Variants in QSOX2 observed in about 807,000 individuals in gnomAD.
QSOX2 encodes quiescin sulfhydryl oxidase 2, also known as sulfhydryl oxidase 2.
QSOX2 carries 46 observed loss-of-function variants against 61.7 expected under a neutral mutation model. The observed-to-expected ratio is 0.75, with a 90% CI of 0.59 to 0.95. The LOEUF (loss-of-function observed/expected upper bound fraction) is 0.95, where lower values mean the gene tolerates loss of function less well. Among genes scored for constraint, QSOX2 ranks in the 40% least tolerant of loss-of-function variants. QSOX2 has a pLI of 0.00. For synonymous variants in QSOX2, 383 were observed against 388.4 expected (o/e 0.99, Z 0.16); for missense variants, 879 against 918.9 (o/e 0.96, Z 0.56).
chr9:136,223,890 A>G lies in QSOX2; in HGVS notation c.585-37T>C. 6.2e-7 allele frequency: 1 copy of G among 1,602,420 alleles called. No homozygotes were observed. The highest frequency in any genetic ancestry group is 8.5e-7 in the Non-Finnish European group (1 of 1,169,864). ...AAAAAAAGAGGCTTTTAGTGCCGTCAACAGCAGCGAGTTGGCCACCACATC... is the reference window on the plus strand; with the variant it reads ...AAAAAAAGAGGCTTTTAGTGCCGTCGACAGCAGCGAGTTGGCCACCACATC... On this transcript the variant is annotated intron_variant, in intron 4 of 11. Coordinates refer to ENST00000358701, the MANE Select transcript of QSOX2 (RefSeq NM_181701.4). This position sits in a 1 kb window ranked among gnomAD's most constrained non-coding sequence, Gnocchi z 4.4.
chr9:136,210,383 C>T (rs765358865), intron 11 of QSOX2: 5 of 985,320 alleles, frequency 5.1e-6, no homozygotes, highest in African/African-American at 1.7e-5. Flanking sequence ...GGGGCACATG[C>T]GGGCTGGGGC....
chr9:136,212,272 C>T (rs1831855849), intron 10 of QSOX2, among the ~76,000 whole-genome samples: 1 of 152,232 alleles, frequency 6.6e-6, no homozygotes, highest in African/African-American at 2.4e-5. Flanking sequence ...ACTCAGACGA[C>T]TGACACAGGA....
chr9:136,210,471 C>T (rs61482805), intron 11 of QSOX2: 13 of 985,134 alleles, frequency 1.3e-5, no homozygotes, highest in South Asian at 9.4e-5. Context: ...GCCGAGGGCT[C>T]GGGGAAAGCA....
Position 136,210,326 on chromosome 9 carries a change from T to C in QSOX2, c.1549+938A>G, listed in dbSNP as rs974072851. 6.1e-6 allele frequency: 6 copies of C among 985,366 alleles called. No homozygotes were observed. The Admixed American group carries it at 2.5e-4, about 40-fold the overall frequency. 61.0% of individuals were successfully genotyped at this position (985,366 alleles called of 1,614,324 possible). On this transcript the variant is annotated intron_variant, in intron 11 of 11. Transcript: ENST00000358701. ...GGAATCTCAGGAGTGACAATCACAC[T>C]GGGCTGTAAGGCCCCTTTCTGTTGC... is the stretch of plus-strand genomic sequence containing the variant.
chr9:136,212,093 TA>T (rs1831853503), intron 10 of QSOX2, among the ~76,000 whole-genome samples: 1 of 152,120 alleles, frequency 6.6e-6, no homozygotes, highest in South Asian at 2.1e-4. Context: ...CCGAACGTAT[TA>T]ACAGACATGG....
chr9:136,218,931 T>G, intron 7 of QSOX2, 99 bp downstream of exon 7: 1 of 1,571,094 alleles, frequency 6.4e-7, no homozygotes, highest in Admixed American at 1.8e-5. Context: ...CGGCCCTCAC[T>G]GGCTGGGGTG....
At chr9:136,232,917 C>CAAAAAAAAAAAAAAAAAAAAAA (rs60814748) in intron 1 of QSOX2, among the ~76,000 whole-genome samples, 1 of 45,516 alleles carries the variant, frequency 2.2e-5, no homozygotes, top group Non-Finnish European at 4.6e-5. Flanking sequence ...GAACCTGTCT[C>CAAAAAAAAAAAAAAAAAAAAAA]AAAAAAAAAA....
At chr9:136,210,136 A>G (rs1480495993) in intron 11 of QSOX2, 23 of 985,374 alleles carry the variant, frequency 2.3e-5, no homozygotes, top group Non-Finnish European at 2.8e-5. Flanking sequence ...ACGAAGCCAG[A>G]GGGGACAAGC....
intron 10 of QSOX2, among the ~76,000 whole-genome samples, chr9:136,212,835 A>G (rs1291198859): frequency 6.6e-6 from 1 of 152,242 alleles, no homozygotes; most frequent in Non-Finnish European, 1.5e-5. Flanking sequence ...CATACAGTAA[A>G]GAGAAGAAAA....
intron 3 of QSOX2, 42 bp from the exon 4 acceptor site, chr9:136,224,154 T>C (rs765090993): frequency 2.0e-6 from 3 of 1,512,164 alleles, no homozygotes; most frequent in Non-Finnish European, 2.7e-6. Context: ...TGTGCGGCTG[T>C]CCTCGTGGGG....
rs202117531 is a variant in QSOX2 at position 136,208,935 on chromosome 9, G to C, written c.1890C>G (p.Asp630Glu). Residue 630 changes from aspartate to glutamate, a missense_variant, in exon 12 of 12, where the codon GAC (aspartate) becomes GAG (glutamate). Coordinates refer to ENST00000358701, the MANE Select transcript of QSOX2 (RefSeq NM_181701.4). ...GCCCATCCAGACTCTGGAGTTTCCC[G>C]TCCAAGCTGTGATGCAAGCTCTCTG... ...ALPESLHHSL[D>E]GKLQSLDGPG... is the part of the protein sequence containing the mutation. 6.2e-7 allele frequency: 1 copy of C among 1,613,618 alleles called. No individual in the cohort carries two copies. The highest frequency in any genetic ancestry group is 1.7e-5 in the Admixed American group (1 of 59,990).
intron 1 of QSOX2, among the ~76,000 whole-genome samples, chr9:136,240,965 C>G (rs1173147399): frequency 6.6e-6 from 1 of 152,202 alleles, no homozygotes; most frequent in Non-Finnish European, 1.5e-5. Flanking sequence ...CCCCATGGCA[C>G]GACGACCGGC....
chr9:136,218,341 G>A (rs1031542563), intron 8 of QSOX2, among the ~76,000 whole-genome samples: 1 of 152,154 alleles, frequency 6.6e-6, no homozygotes, highest in South Asian at 2.1e-4. Context: ...CCCGTGCAGC[G>A]CTCCTCTGAG....
chr9:136,212,547 C>G (rs1052383238), intron 10 of QSOX2, among the ~76,000 whole-genome samples: 1 of 151,860 alleles, frequency 6.6e-6, no homozygotes, highest in African/African-American at 2.4e-5. Flanking sequence ...GCAGAGCAGA[C>G]CACCTCCTCC....
At chr9:136,236,683 C>T (rs1358275220) in intron 1 of QSOX2, among the ~76,000 whole-genome samples, 1 of 151,516 alleles carries the variant, frequency 6.6e-6, no homozygotes, top group Non-Finnish European at 1.5e-5. Flanking sequence ...CCTGTGCCAG[C>T]GACACCTGAA....
intron 9 of QSOX2, 78 bp downstream of exon 9, chr9:136,216,522 G>C (rs917422214): frequency 6.3e-7 from 1 of 1,574,806 alleles, no homozygotes; most frequent in Admixed American, 1.7e-5. Flanking sequence ...CGAGCAGGGA[G>C]ATGCACCAGC....
At chr9:136,245,008 G>C (rs1029335319) in intron 1 of QSOX2, among the ~76,000 whole-genome samples, 8 of 152,204 alleles carry the variant, frequency 5.3e-5, no homozygotes, top group Admixed American at 3.9e-4. Context: ...TACGAGTGTG[G>C]AATAGGAATG....
rs373867842 is a variant in QSOX2, at chr9:136,241,443, C to T, written c.328+4033G>A. On this transcript the variant is annotated intron_variant, in intron 1 of 11. Coordinates refer to ENST00000358701, the MANE Select transcript of QSOX2 (RefSeq NM_181701.4). ...ATCTCCAAGAAGCCTGCAGCCTAGT[C>T]GAGTAGACAAGAAACCAGACCAAGT... Among the ~76,000 whole-genome samples the T allele has an allele frequency of 3.3e-5, 5 of 152,320 alleles. No individual in the cohort carries two copies. In the East Asian group the frequency reaches 5.8e-4, roughly 18 times the overall value.
intron 6 of QSOX2, among the ~76,000 whole-genome samples, chr9:136,220,322 C>T (rs1157363413): frequency 6.6e-6 from 1 of 152,240 alleles, no homozygotes; most frequent in African/African-American, 2.4e-5. Context: ...AGCCTGGCCT[C>T]TTTTTCAAAA....
Sources: gnomAD v4.1 joint callset for allele counts (sites outside exome capture counted in the v4.1 genomes callset) on GRCh38, gnomAD v4.1.1 for gene constraint, Gnocchi (gnomAD v3.1) non-coding constraint, MANE v1.5 for transcripts, NCBI Gene and HGNC (gene_info 2026-07-23, HGNC 2026-07-21) for gene names.